Variants in NISCH observed in about 807,000 individuals in gnomAD.
NISCH encodes the protein I-1 receptor candidate protein.
A neutral mutation model predicts 138.4 loss-of-function variants in NISCH; 55 were observed. The observed-to-expected ratio is 0.40, with a 90% CI of 0.32 to 0.50. NISCH has a LOEUF of 0.50. NISCH is among the 20% of genes least tolerant of loss of function. The pLI, the probability that NISCH is intolerant of heterozygous loss-of-function variation, is 0.71. For missense variants in NISCH, 1,643 were observed against 2,005.5 expected (o/e 0.82, Z 3.45); for synonymous variants, 860 against 861.5 (o/e 1.00, Z 0.03).
chr3:52,491,820 GC>G (rs1707571423), intron 20 of NISCH, 51 bp from the exon 21 acceptor site: 1 of 1,527,132 alleles, frequency 6.5e-7, no homozygotes, highest in Non-Finnish European at 8.8e-7. Flanking sequence ...GGTGCTCCCA[GC>G]CCCACCAGGG....
At chr3:52,475,735 CAA>C (rs2153231259) in intron 7 of NISCH, 1 of 152,356 alleles carries the variant, frequency 6.6e-6, no homozygotes, top group African/African-American at 2.4e-5. Context: ...CCCAGCTACT[CAA>C]GAGGCTGAGA....
chr3:52,484,412 G>T (rs1051910579), intron 13 of NISCH, 101 bp from the exon 14 acceptor site: 4 of 1,178,560 alleles, frequency 3.4e-6, no homozygotes, highest in Non-Finnish European at 4.8e-6. Flanking sequence ...GCTAACCCCC[G>T]CCATGCCAGT....
chr3:52,478,801 G>A (rs1408264966), intron 11 of NISCH, among the ~76,000 whole-genome samples: 1 of 152,150 alleles, frequency 6.6e-6, no homozygotes, highest in African/African-American at 2.4e-5. Context: ...GTTTATTCTA[G>A]GAAAGGGTCA....
chr3:52,484,253 T>C (rs1403696631), intron 13 of NISCH: 8 of 429,086 alleles, frequency 1.9e-5, no homozygotes, highest in Non-Finnish European at 3.0e-5. Flanking sequence ...TGTAGTCACA[T>C]CTCAGTTTTT....
intron 16 of NISCH, 27 bp downstream of exon 16, chr3:52,488,632 C>T (rs1467153386): frequency 2.6e-6 from 4 of 1,568,256 alleles, no homozygotes; most frequent in Non-Finnish European, 1.7e-6. Context: ...CTCTCAGGGG[C>T]CCCGGGGGCA....
chr3:52,491,548 C>G, intron 20 of NISCH, 35 bp downstream of exon 20: 4 of 1,585,832 alleles, frequency 2.5e-6, no homozygotes, highest in Non-Finnish European at 2.6e-6. Context: ...AGACAGGCTG[C>G]CTGGACAGAC....
intron 3 of NISCH, among the ~76,000 whole-genome samples, chr3:52,461,282 G>T (rs982595416): frequency 6.6e-6 from 1 of 152,160 alleles, no homozygotes; most frequent in African/African-American, 2.4e-5. Context: ...ACTCTTTTCA[G>T]AGTAAGACAG....
At position 52,487,412 on chromosome 3, in the gene NISCH, T is replaced by TGAG; in HGVS notation, c.1929_1931dup (p.Glu647dup). 2.5e-6 allele frequency: 4 copies of TGAG among 1,609,682 alleles called. No homozygotes were observed. The highest frequency in any genetic ancestry group is 1.7e-5 in the Admixed American group (1 of 59,834). ...AGGGTGAACAGGGCGAGGAGGAGGA[T>TGAG]GAGGAGGAGGAAGAAGAGGAGGACG... On this transcript the variant is annotated inframe_insertion, in exon 16 of 21. Coordinates refer to ENST00000345716, the MANE Select transcript of NISCH (RefSeq NM_007184.4). The surrounding 1 kb of genome is among the most constrained non-coding windows in gnomAD (Gnocchi z 9.1).
At chr3:52,482,311 G>C (rs982559048) in intron 13 of NISCH, among the ~76,000 whole-genome samples, 2 of 152,316 alleles carry the variant, frequency 1.3e-5, no homozygotes, top group East Asian at 3.9e-4. Context: ...GGGCCTGCCT[G>C]AAGGGGGCGC....
At position 52,458,859 on chromosome 3, in the gene NISCH, G is replaced by A. The variant is rs758598586; in HGVS notation, c.360+15G>A. The A allele has an allele frequency of 8.9e-6, 14 of 1,580,810 alleles. No individual in the cohort carries two copies. In the African/African-American group the frequency reaches 1.2e-4, roughly 14 times the overall value. On this transcript the variant is annotated intron_variant, in intron 3 of 20. Coordinates refer to ENST00000345716, the MANE Select transcript of NISCH (RefSeq NM_007184.4). ...TTCACTTCTATGTAAGTTCCTCATC[G>A]GGTTTTCACCTGTGCCTGCAAACCC...
In NISCH at chr3:52,458,754, G is replaced by A; in HGVS notation, c.270G>A (p.Lys90=). ...GAAGCTTGGTGGAGAAGAGGGAGAA[G>A]GATCTGGAGGTCTACCTCCAGAAGC... The part of the protein sequence containing the change: ...NSRSLVEKRE[K]DLEVYLQKLL... Residue 90 remains lysine, a synonymous_variant, in exon 3 of 21, where the codon AAG becomes AAA. Transcript: ENST00000345716. The A allele has an allele frequency of 6.2e-7, 1 of 1,613,846 alleles. No individual in the cohort carries two copies.
In NISCH at chr3:52,490,212, C is replaced by A. The variant is rs1359590460; in HGVS notation, c.3594C>A (p.Tyr1198Ter). Residue 1198 changes from tyrosine to a stop codon, truncating the protein, a stop_gained, in exon 18 of 21, where the codon TAC (tyrosine) becomes TAA (stop). Coordinates refer to ENST00000345716, the MANE Select transcript of NISCH (RefSeq NM_007184.4). LOFTEE classifies it high-confidence loss of function. ...YFVLHDGLRR[Y>*]FSEPLQDFWH... ...TGCTCCACGACGGCCTCCGCCGCTA[C>A]TTCTCAGAGCCACTGCAGGGTAGGC... 1 of 1,612,852 alleles carries A rather than the reference C, an allele frequency of 6.2e-7. No homozygotes were observed. The highest frequency in any genetic ancestry group is 8.5e-7 in the Non-Finnish European group (1 of 1,180,012).
chr3:52,471,689 G>T (rs949041289), intron 4 of NISCH, 125 bp from the exon 5 acceptor site: 3 of 1,114,290 alleles, frequency 2.7e-6, no homozygotes, highest in East Asian at 2.5e-5. Flanking sequence ...TGCCCAGGGC[G>T]CTGGCTTTGC....
rs930299259 is a variant in NISCH, at chr3:52,479,915, G to C, written c.1416+53G>C. Reference sequence around the variant, plus strand: ...AGTGGTGCAGAGCCAGCCGGGATAGGAGCCAGTTTGGGGGGCTTGGGCCAT... The same window carrying C: ...AGTGGTGCAGAGCCAGCCGGGATAGCAGCCAGTTTGGGGGGCTTGGGCCAT... On this transcript the variant is annotated intron_variant, in intron 12 of 20. Coordinates refer to ENST00000345716, the MANE Select transcript of NISCH (RefSeq NM_007184.4). 2.8e-6 allele frequency: 4 copies of C among 1,422,780 alleles called. No homozygotes were observed. The African/African-American group carries it at 5.6e-5, about 20-fold the overall frequency. 88.1% of individuals were successfully genotyped at this position (1,422,780 alleles called of 1,614,324 possible). A position where few individuals can be genotyped will look rare whatever the true frequency, so the allele number is the denominator to read the frequency against.
At chr3:52,476,032 GGAGGCTAAGACAGAAGGATGGCTT>G (rs1707088619) in intron 7 of NISCH, 1 of 203,870 alleles carries the variant, frequency 4.9e-6, no homozygotes, top group Non-Finnish European at 1.0e-5. Context: ...CAGCTACTGG[GGAGGCTAAGACAGAAGGATGGCTT>G]GAGCCTGCGA....
intron 6 of NISCH, 150 bp downstream of exon 6, chr3:52,472,548 T>C: frequency 1.5e-6 from 1 of 680,670 alleles, no homozygotes; most frequent in South Asian, 1.8e-5. Flanking sequence ...CCAGGCCCTC[T>C]GAAGGCGGAG....
intron 17 of NISCH, 62 bp from the exon 18 acceptor site, chr3:52,490,013 A>G (rs1263377193): frequency 6.3e-7 from 1 of 1,594,252 alleles, no homozygotes; most frequent in South Asian, 1.1e-5. Flanking sequence ...AGCTGTGGGC[A>G]TGTCCCTGGT....
chr3:52,472,001 T>C (rs1706963451), intron 5 of NISCH, 24 bp downstream of exon 5: 1 of 1,555,176 alleles, frequency 6.4e-7, no homozygotes. Flanking sequence ...AGCTCAGTCA[T>C]GGAGAGCCCC....
intron 3 of NISCH, 48 bp from the exon 4 acceptor site, chr3:52,470,811 A>T: frequency 6.7e-7 from 1 of 1,495,416 alleles, no homozygotes; most frequent in Non-Finnish European, 9.3e-7. Flanking sequence ...GACCCCAGGG[A>T]CTGGGGTCAG....
Sources: gnomAD v4.1 joint callset for allele counts (sites outside exome capture counted in the v4.1 genomes callset) on GRCh38, gnomAD v4.1.1 for gene constraint, Gnocchi (gnomAD v3.1) non-coding constraint, MANE v1.5 for transcripts, NCBI Gene and HGNC (gene_info 2026-07-23, HGNC 2026-07-21) for gene names.